The following CNTN4 variants were observed in gnomAD, a reference collection of about 807,000 sequenced individuals.
CNTN4 encodes the protein contactin-4.
Under a neutral mutation model 122.5 loss-of-function variants are expected in CNTN4, and 77 were observed. The observed-to-expected ratio is 0.63, with a 90% confidence interval of 0.52 to 0.76. CNTN4 has a LOEUF of 0.76. CNTN4 is among the 30% of genes least tolerant of loss of function. CNTN4 has a pLI of 0.00. For missense variants in CNTN4, 1,256 were observed against 1,259.1 expected (o/e 1.00, Z 0.04); for synonymous variants, 512 against 447.0 (o/e 1.15, Z -1.83).
At chr3:2,549,249 T>G (rs965447001) in intron 3 of CNTN4, among the ~76,000 whole-genome samples, 1 of 152,036 alleles carries the variant, frequency 6.6e-6, no homozygotes, top group Non-Finnish European at 1.5e-5. Flanking sequence ...TGAATAGGAG[T>G]GGTAAGAGAG....
intron 2 of CNTN4, among the ~76,000 whole-genome samples, chr3:2,302,324 A>T (rs1318261904): frequency 1.3e-5 from 2 of 152,170 alleles, no homozygotes; most frequent in Non-Finnish European, 2.9e-5. Flanking sequence ...GCTACTGAGG[A>T]GGCTGAGGCA....
chr3:2,124,200 G>C (rs543752399), intron 2 of CNTN4, among the ~76,000 whole-genome samples: 27 of 152,258 alleles, frequency 1.8e-4, no homozygotes, highest in African/African-American at 5.3e-4. Context: ...ATGAGAGTGA[G>C]GGGAAGGGAT....
intron 2 of CNTN4, among the ~76,000 whole-genome samples, chr3:2,186,427 T>C (rs575782795): frequency 3.3e-5 from 5 of 152,176 alleles, no homozygotes; most frequent in African/African-American, 9.7e-5. Flanking sequence ...ATGATTTATA[T>C]TCCTTTGAGT....
chr3:2,806,989 T>C (rs984021558), intron 6 of CNTN4, among the ~76,000 whole-genome samples: 1 of 152,222 alleles, frequency 6.6e-6, no homozygotes, highest in Admixed American at 6.5e-5. Context: ...ACACTATGTG[T>C]GATTTGTTTA....
At chr3:2,128,539 G>A (rs981208582) in intron 2 of CNTN4, among the ~76,000 whole-genome samples, 31 of 152,224 alleles carry the variant, frequency 2.0e-4, no homozygotes, top group African/African-American at 6.7e-4. Context: ...CCTGCACTGA[G>A]AGGTGATCAC....
intron 4 of CNTN4, among the ~76,000 whole-genome samples, chr3:2,694,870 C>T (rs966027908): frequency 7.9e-5 from 12 of 152,094 alleles, no homozygotes; most frequent in African/African-American, 2.4e-4. Flanking sequence ...GACCTCACAA[C>T]GTTTGTTTTT....
intron 4 of CNTN4, among the ~76,000 whole-genome samples, chr3:2,708,465 T>C (rs2086877720): frequency 1.3e-5 from 2 of 152,208 alleles, no homozygotes; most frequent in Non-Finnish European, 1.5e-5. Flanking sequence ...ATACGTTCTC[T>C]AGATTTTAGA....
intron 6 of CNTN4, among the ~76,000 whole-genome samples, chr3:2,797,749 A>C (rs1000116256): frequency 1.8e-4 from 27 of 152,204 alleles, no homozygotes; most frequent in African/African-American, 4.6e-4. Flanking sequence ...CAACTTAATC[A>C]TAAAATATTT....
At chr3:2,774,222 C>G (rs538008215) in intron 6 of CNTN4, among the ~76,000 whole-genome samples, 8 of 152,132 alleles carry the variant, frequency 5.3e-5, no homozygotes, top group African/African-American at 1.7e-4. Flanking sequence ...GATTGCACCA[C>G]TGCACCCCAG....
chr3:2,838,009 A>G (rs1344982250), intron 7 of CNTN4, among the ~76,000 whole-genome samples: 1 of 152,210 alleles, frequency 6.6e-6, no homozygotes, highest in African/African-American at 2.4e-5. Context: ...ACAATTAAGA[A>G]TCGAGTCTGA....
chr3:2,325,205 T>C (rs1045483733), intron 2 of CNTN4, among the ~76,000 whole-genome samples: 1 of 152,148 alleles, frequency 6.6e-6, no homozygotes, highest in African/African-American at 2.4e-5. Context: ...CAGAAGCAAA[T>C]AGGAGGATCC....
Position 2,701,177 on chromosome 3 carries a change from A to G in CNTN4, c.56-35038A>G, listed in dbSNP as rs548798054. Among the ~76,000 whole-genome samples the G allele has an allele frequency of 2.4e-4, 37 of 152,326 alleles. 1 individual carries two copies. The South Asian group carries it at 7.2e-3, about 30-fold the overall frequency. ...ATTAAAGCATATATAGAAATTTTTCATACCCTTTGCTTCAGGCCTTCCTTG... is the reference window on the plus strand; with the variant it reads ...ATTAAAGCATATATAGAAATTTTTCGTACCCTTTGCTTCAGGCCTTCCTTG... On this transcript the variant is annotated intron_variant, in intron 4 of 24. Transcript: ENST00000418658.
chr3:2,353,877 C>G (rs535736172), intron 3 of CNTN4, among the ~76,000 whole-genome samples: 7 of 151,870 alleles, frequency 4.6e-5, no homozygotes, highest in African/African-American at 1.7e-4. Context: ...CCAGCCTGGG[C>G]GACAGAGCGA....
At chr3:2,730,343 A>G (rs182674398) in intron 4 of CNTN4, among the ~76,000 whole-genome samples, 2 of 152,286 alleles carry the variant, frequency 1.3e-5, no homozygotes, top group Non-Finnish European at 2.9e-5. Flanking sequence ...TCATGTTGGC[A>G]CTCAAAAAGT....
At chr3:3,014,897 T>TC (rs60872082) in intron 14 of CNTN4, among the ~76,000 whole-genome samples, 12 of 102,322 alleles carry the variant, frequency 1.2e-4, no homozygotes, top group Admixed American at 1.0e-4. Flanking sequence ...TTTTTTTTTT[T>TC]CTCTTTGGGT....
At chr3:2,611,297 C>CAAAAAAAAAAAAAAAAAAAAAAAAA (rs201162114) in intron 4 of CNTN4, among the ~76,000 whole-genome samples, 8 of 62,326 alleles carry the variant, frequency 1.3e-4, no homozygotes, top group Admixed American at 1.9e-4. Flanking sequence ...CACCTGGAAC[C>CAAAAAAAAAAAAAAAAAAAAAAAAA]AAAAAAAAAA....
chr3:3,040,697 G>T (rs1021144243), intron 20 of CNTN4, among the ~76,000 whole-genome samples: 1 of 152,158 alleles, frequency 6.6e-6, no homozygotes, highest in Non-Finnish European at 1.5e-5. Flanking sequence ...GGAGGCCAAG[G>T]CGGGTGGATC....
chr3:2,227,493 A>C (rs775908157), intron 2 of CNTN4, among the ~76,000 whole-genome samples: 23 of 152,156 alleles, frequency 1.5e-4, no homozygotes, highest in Non-Finnish European at 1.6e-4. Flanking sequence ...AAGGATGAAA[A>C]GATTATGCCC....
intron 4 of CNTN4, among the ~76,000 whole-genome samples, chr3:2,608,960 T>A (rs1270647390): frequency 6.6e-6 from 1 of 152,244 alleles, no homozygotes. Context: ...GAGTCTGGTC[T>A]TGTTCTCCTT....
Sources: allele counts gnomAD v4.1 joint callset (sites outside exome capture counted in the v4.1 genomes callset), GRCh38; gene constraint gnomAD v4.1.1; transcripts MANE v1.5; gene names NCBI Gene and HGNC (gene_info 2026-07-23, HGNC 2026-07-21).